The following ZNF592 variants were observed in gnomAD, a reference collection of about 807,000 sequenced individuals.
ZNF592 encodes spinocerebellar ataxia, autosomal recessive 5.
Under a neutral mutation model 80.3 loss-of-function variants are expected in ZNF592, and 11 were observed. The ratio of observed to expected loss-of-function variants is 0.14; its 90% CI spans 0.09 to 0.23. The LOEUF (loss-of-function observed/expected upper bound fraction) is 0.23, where lower values mean the gene tolerates loss of function less well. Ranked by LOEUF, ZNF592 falls within the 10% of genes least tolerant of loss-of-function variation. ZNF592 has a pLI of 1.00. For synonymous variants in ZNF592, 646 were observed against 640.3 expected, an observed-to-expected ratio of 1.01 and a Z score of -0.13; for missense variants, 1,420 against 1,633.9, an observed-to-expected ratio of 0.87 and a Z score of 2.26.
rs1039532337 is a variant in ZNF592 at position 84,799,512 on chromosome 15, G to A, written c.3137+302G>A. 1.3e-5 allele frequency among the ~76,000 whole-genome samples: 2 copies of A among 152,186 alleles called. No individual in the cohort carries two copies. Among genetic ancestry groups the A allele is most frequent in the African/African-American group, 2.4e-5 (1 of 41,446 alleles). ...GATGTGAGCATGCACCCCTGGGGCCGAGAGGCTTCTGCACCATCTGCCTGT... is the reference window on the plus strand; with the variant it reads ...GATGTGAGCATGCACCCCTGGGGCCAAGAGGCTTCTGCACCATCTGCCTGT... On this transcript the variant is annotated intron_variant, in intron 9 of 10. Transcript: ENST00000560079. This position sits in a 1 kb window ranked among gnomAD's most constrained non-coding sequence, Gnocchi z 4.2.
In ZNF592 at chr15:84,767,867, GTTTCT is replaced by G. The variant is rs550879575; in HGVS notation, c.-150+3071_-150+3075del. Reference sequence around the variant, plus strand: ...ACTTGTATTTTCTTTTTTTTTATTTGTTTCTTTTCTTTTCTTTTCTTTTTTTTGAG... The same window carrying G: ...ACTTGTATTTTCTTTTTTTTTATTTGTTTCTTTTCTTTTCTTTTTTTTGAG... On this transcript the variant is annotated intron_variant, in intron 2 of 10. Transcript: ENST00000560079. Among the ~76,000 whole-genome samples, 98 of 150,694 alleles carry G rather than the reference GTTTCT, an allele frequency of 6.5e-4. 1 individual carries two copies. In the South Asian group the frequency reaches 9.2e-3, roughly 14 times the overall value.
Position 84,802,474 on chromosome 15 carries a change from G to T in ZNF592, c.*81G>T, listed in dbSNP as rs557350087. On this transcript the variant is annotated 3_prime_UTR_variant, in exon 11 of 11. Coordinates refer to ENST00000560079, the MANE Select transcript of ZNF592 (RefSeq NM_014630.3). ...CCCTGCGGACCGTGGAAAATAAAAG[G>T]CTCTGCCCCCAGTGTGAGTGTGACC... The T allele has an allele frequency of 6.6e-6, 10 of 1,523,758 alleles. No homozygotes were observed. The highest frequency in any genetic ancestry group is 2.7e-5 in the African/African-American group (2 of 72,990). 94.4% of individuals were successfully genotyped at this position (1,523,758 alleles called of 1,614,324 possible).
intron 2 of ZNF592, among the ~76,000 whole-genome samples, chr15:84,771,632 G>A (rs1259232055): frequency 6.6e-6 from 1 of 152,196 alleles, no homozygotes; most frequent in African/African-American, 2.4e-5. Context: ...GCTACACTAA[G>A]TGGAGGAAAG....
intron 2 of ZNF592, among the ~76,000 whole-genome samples, chr15:84,768,718 A>G (rs1016504605): frequency 9.9e-5 from 15 of 152,144 alleles, no homozygotes; most frequent in African/African-American, 3.4e-4. Flanking sequence ...TTAATCAGCC[A>G]TTACAGGGAT....
chr15:84,800,522 G>C (rs1223713361), intron 10 of ZNF592, among the ~76,000 whole-genome samples: 1 of 152,102 alleles, frequency 6.6e-6, no homozygotes, highest in Non-Finnish European at 1.5e-5. Flanking sequence ...TCCATACCAT[G>C]GTAGGGGGGT....
intron 5 of ZNF592, among the ~76,000 whole-genome samples, chr15:84,794,958 A>G (rs1423041642): frequency 2.0e-5 from 3 of 152,072 alleles, no homozygotes; most frequent in African/African-American, 7.2e-5. Flanking sequence ...GTAAATTCTC[A>G]AGATACCTAT....
chr15:84,797,603 C>G (rs1001554837), intron 5 of ZNF592, among the ~76,000 whole-genome samples: 7 of 152,238 alleles, frequency 4.6e-5, no homozygotes, highest in African/African-American at 1.7e-4. Context: ...TATCCTCTGG[C>G]CAGTGCAGGG....
intron 3 of ZNF592, 101 bp from the exon 4 acceptor site, chr15:84,782,556 G>A (rs753659817): frequency 1.8e-6 from 2 of 1,088,248 alleles, no homozygotes; most frequent in Non-Finnish European, 2.8e-6. Context: ...GGTTCTGCAT[G>A]GGTGTGCTGG....
At chr15:84,749,667 T>C (rs1420310045) in intron 1 of ZNF592, among the ~76,000 whole-genome samples, 1 of 152,140 alleles carries the variant, frequency 6.6e-6, no homozygotes, top group Non-Finnish European at 1.5e-5. Flanking sequence ...ATGGAGGGCC[T>C]GTAGGGTGCT....
chr15:84,763,957 C>T (rs964241821), intron 1 of ZNF592, among the ~76,000 whole-genome samples: 4 of 152,214 alleles, frequency 2.6e-5, no homozygotes, highest in Non-Finnish European at 5.9e-5. Context: ...TCATGTTTGG[C>T]TACAGTTAGG....
intron 3 of ZNF592, among the ~76,000 whole-genome samples, chr15:84,781,835 C>A (rs1360782786): frequency 1.3e-5 from 2 of 152,144 alleles, no homozygotes; most frequent in Non-Finnish European, 2.9e-5. Context: ...TCCTCTGTTG[C>A]AGTAGTTCTG....
intron 1 of ZNF592, among the ~76,000 whole-genome samples, chr15:84,761,265 C>G (rs1287703452): frequency 1.3e-5 from 2 of 152,128 alleles, no homozygotes. Flanking sequence ...CATGCCCGGC[C>G]CAGGGAGTTT....
Position 84,802,819 on chromosome 15 carries a change from T to C in ZNF592, c.*426T>C. On this transcript the variant is annotated 3_prime_UTR_variant, in exon 11 of 11. Coordinates refer to ENST00000560079, the MANE Select transcript of ZNF592 (RefSeq NM_014630.3). Reference sequence around the variant, plus strand: ...GCAGACACCAGCTCTCCTTCCTGCCTTTAGATCCTGAGAAGGAGGGAAATG... The same window carrying C: ...GCAGACACCAGCTCTCCTTCCTGCCCTTAGATCCTGAGAAGGAGGGAAATG... The C allele has an allele frequency of 4.8e-6, 1 of 210,420 alleles. No homozygotes were observed. The highest frequency in any genetic ancestry group is 9.9e-6 in the Non-Finnish European group (1 of 101,382). 13.0% of individuals were successfully genotyped at this position (210,420 alleles called of 1,614,324 possible). A position where few individuals can be genotyped will look rare whatever the true frequency, so the allele number is the denominator to read the frequency against.
At chr15:84,764,906 T>TC (rs919328679) in intron 2 of ZNF592, 91 bp downstream of exon 2, 8 of 272,354 alleles carry the variant, frequency 2.9e-5, no homozygotes, top group Non-Finnish European at 4.7e-5. Context: ...TTTTGTTTTG[T>TC]TTTGTTTTTT....
In ZNF592 at chr15:84,784,102, G is replaced by A. The variant is rs144163979; in HGVS notation, c.1427G>A (p.Gly476Asp). 17 of 1,614,026 alleles carry A rather than the reference G, an allele frequency of 1.1e-5. No individual in the cohort carries two copies. In the African/African-American group the frequency reaches 2.1e-4, roughly 20 times the overall value. Residue 476 changes from glycine (G) to aspartate (D), a missense_variant, in exon 4 of 11, where the codon GGC (glycine) becomes GAC (aspartate). Physicochemically the swap from Gly to Asp is moderately conservative, Grantham distance 94. Transcript: ENST00000560079. The surrounding 1 kb of genome is among the most constrained non-coding windows in gnomAD (Gnocchi z 5.8). ...CGGGTCCCAAAGGGGGCTGCCCCAG[G>A]CTCACAGACAGGCAAGAAGCAACAG... ...GPRVPKGAAP[G>D]SQTGKKQQST...
intron 2 of ZNF592, among the ~76,000 whole-genome samples, chr15:84,772,844 A>T (rs1962123972): frequency 6.6e-6 from 1 of 152,208 alleles, no homozygotes; most frequent in Non-Finnish European, 1.5e-5. Context: ...TATTAAACAG[A>T]ATATATTAAC....
Position 84,764,834 on chromosome 15 carries a change from C to T in ZNF592, c.-150+19C>T, listed in dbSNP as rs1899454860. ...CTCTAAGGTATGATGTCTAGGCTGA[C>T]CTGAACTGGCCTTGAAAAGCCAAGA... On this transcript the variant is annotated intron_variant, in intron 2 of 10. Transcript: ENST00000560079. 2 of 398,876 alleles carry T rather than the reference C, an allele frequency of 5.0e-6. No homozygotes were observed. The highest frequency in any genetic ancestry group is 7.1e-5 in the East Asian group (2 of 28,072). The allele number at this position is 398,876 out of a possible 1,614,324, so 24.7% of individuals were successfully genotyped here. A position where few individuals can be genotyped will look rare whatever the true frequency, so the allele number is the denominator to read the frequency against.
At chr15:84,752,959 T>C (rs1413910236) in intron 1 of ZNF592, among the ~76,000 whole-genome samples, 2 of 152,206 alleles carry the variant, frequency 1.3e-5, no homozygotes, top group Admixed American at 1.3e-4. Flanking sequence ...TGCTCCTCAC[T>C]TTCTGGCCAG....
intron 4 of ZNF592, among the ~76,000 whole-genome samples, chr15:84,785,265 T>C (rs942166698): frequency 1.3e-5 from 2 of 152,024 alleles, no homozygotes; most frequent in East Asian, 3.9e-4. Flanking sequence ...GGGACAGAGA[T>C]AGCTGAGTCA....
Sources: allele counts gnomAD v4.1 joint callset (sites outside exome capture counted in the v4.1 genomes callset), GRCh38; gene constraint gnomAD v4.1.1; non-coding constraint Gnocchi (gnomAD v3.1); transcripts MANE v1.5; gene names NCBI Gene and HGNC (gene_info 2026-07-23, HGNC 2026-07-21).